The following RAB24 variants were observed in gnomAD, a reference collection of about 807,000 sequenced individuals.
The protein encoded by RAB24 is ras-related protein Rab-24.
Under a neutral mutation model 31.4 loss-of-function variants are expected in RAB24, and 9 were observed. That is an observed-to-expected ratio of 0.29 (90% CI 0.17 to 0.50). The LOEUF (loss-of-function observed/expected upper bound fraction) is 0.50. Among genes scored for constraint, RAB24 ranks in the 20% least tolerant of loss-of-function variants. The pLI is 0.98. For synonymous variants in RAB24, 106 were observed against 94.1 expected (o/e 1.13, Z -0.73); for missense variants, 197 against 265.2 (o/e 0.74, Z 1.79).
rs374490083 is a variant in RAB24, at chr5:177,302,734, AACC to A, written c.265+15_265+17del. The stretch of plus-strand genomic sequence containing the variant: ...CCATCTTTTCTTGTGAGACAGCCCA[AACC>A]CCCCCCCCCCTTACCATAGCAGACG... On this transcript the variant is annotated intron_variant, in intron 3 of 7. Transcript: ENST00000303251. 46 of 1,292,126 alleles carry A rather than the reference AACC, an allele frequency of 3.6e-5. No individual in the cohort carries two copies. In the African/African-American group the frequency reaches 9.7e-4, roughly 27 times the overall value. 80.0% of individuals were successfully genotyped at this position (1,292,126 alleles called of 1,614,324 possible). A position where few individuals can be genotyped will look rare whatever the true frequency, so the allele number is the denominator to read the frequency against.
At position 177,301,736 on chromosome 5, in the gene RAB24, T is replaced by C. The variant is rs774567623; in HGVS notation, c.*7A>G. On this transcript the variant is annotated 3_prime_UTR_variant, in exon 8 of 8. Coordinates refer to ENST00000303251, the MANE Select transcript of RAB24 (RefSeq NM_001031677.4). ...CTTTAATTCCCCCAGGCCAGGTGAG[T>C]GCTGACTCAGTGATGACAACAGCTG... 1.2e-6 allele frequency: 2 copies of C among 1,613,934 alleles called. No homozygotes were observed. The highest frequency in any genetic ancestry group is 2.7e-5 in the African/African-American group (2 of 74,906).
chr5:177,302,375 C>CAA, intron 5 of RAB24, 22 bp downstream of exon 5: 1 of 1,611,614 alleles, frequency 6.2e-7, no homozygotes, highest in Non-Finnish European at 8.5e-7. Flanking sequence ...CCCCACCCCC[C>CAA]AAAGGGCTGA....
chr5:177,302,109 G>A lies in RAB24; in HGVS notation c.484+19C>T. On this transcript the variant is annotated intron_variant, in intron 6 of 7. Transcript: ENST00000303251. ...TGCCCCTGCATGTTCCTGCTGTGAG[G>A]CTCCAGCACAGCACTCACCCACACT... 1 of 1,613,906 alleles carries A rather than the reference G, an allele frequency of 6.2e-7. No homozygotes were observed. Among genetic ancestry groups the A allele is most frequent in the Non-Finnish European group, 8.5e-7 (1 of 1,179,766 alleles).
chr5:177,301,555 T>C lies in RAB24; in HGVS notation c.*188A>G, dbSNP rs1033412843. Reference sequence around the variant, plus strand: ...AGAAGCCTGGGGTCCAAATCAGCCTTATCCCTCCTCATGCCCACAGTCAGC... The same window carrying C: ...AGAAGCCTGGGGTCCAAATCAGCCTCATCCCTCCTCATGCCCACAGTCAGC... On this transcript the variant is annotated 3_prime_UTR_variant, in exon 8 of 8. Coordinates refer to ENST00000303251, the MANE Select transcript of RAB24 (RefSeq NM_001031677.4). 7 of 645,394 alleles carry C rather than the reference T, an allele frequency of 1.1e-5. No homozygotes were observed. The highest frequency in any genetic ancestry group is 2.9e-5 in the Admixed American group (1 of 34,744). The allele number at this position is 645,394 out of a possible 1,614,324, so 40.0% of individuals were successfully genotyped here. A position where few individuals can be genotyped will look rare whatever the true frequency, so the allele number is the denominator to read the frequency against.
rs9313754 is a variant in RAB24 at position 177,303,677 on chromosome 5, C to T, written c.-389G>A. 4 of 365,252 alleles carry T rather than the reference C, an allele frequency of 1.1e-5. No individual in the cohort carries two copies. Among genetic ancestry groups the T allele is most frequent in the South Asian group, 6.1e-5 (1 of 16,412 alleles). 22.6% of individuals were successfully genotyped at this position (365,252 alleles called of 1,614,324 possible). ...GAACCTGGGGTCTCCCGCAACCCGG[C>T]TCCTACCCGCAGCGCCGCGACTCCC... is the stretch of plus-strand genomic sequence containing the variant. On this transcript the variant is annotated 5_prime_UTR_variant, in exon 1 of 8. Coordinates refer to ENST00000303251, the MANE Select transcript of RAB24 (RefSeq NM_001031677.4). The surrounding 1 kb of genome is among the most constrained non-coding windows in gnomAD (Gnocchi z 6.1).
chr5:177,302,551 T>C, intron 4 of RAB24, 26 bp downstream of exon 4: 1 of 1,614,124 alleles, frequency 6.2e-7, no homozygotes, highest in Non-Finnish European at 8.5e-7. Flanking sequence ...CAGCCCCTAG[T>C]GTTCTAGTGA....
rs765737690 is a variant in RAB24, at chr5:177,301,903, T to A, written c.547+22A>T. 1.9e-6 allele frequency: 3 copies of A among 1,613,722 alleles called. No individual in the cohort carries two copies. In the Admixed American group the frequency reaches 5.0e-5, roughly 27 times the overall value. On this transcript the variant is annotated intron_variant, in intron 7 of 7. Transcript: ENST00000303251. ...GCTGTGGGCCTAGAGTAAGTCTCCA[T>A]AAAGGCTGGGGAAGCACACACCTGT...
In RAB24 at chr5:177,302,190, A is replaced by T; in HGVS notation, c.434-12T>A. The stretch of plus-strand genomic sequence containing the variant: ...CTGAGCTTTGATATCTGTAAAGAGA[A>T]GTGACTAAAGCCTCATACCTGAGAA... On this transcript the variant is annotated splice_polypyrimidine_tract_variant and intron_variant, in intron 5 of 7. Transcript: ENST00000303251. 6.2e-7 allele frequency: 1 copy of T among 1,613,988 alleles called. No homozygotes were observed. Among genetic ancestry groups the T allele is most frequent in the Non-Finnish European group, 8.5e-7 (1 of 1,179,824 alleles).
chr5:177,301,805 C>T lies in RAB24; in HGVS notation c.550G>A (p.Asp184Asn). 3.7e-6 allele frequency: 6 copies of T among 1,614,218 alleles called. No individual in the cohort carries two copies. Among genetic ancestry groups the T allele is most frequent in the Non-Finnish European group, 5.1e-6 (6 of 1,180,032 alleles). Residue 184 changes from aspartate (D) to asparagine (N), a missense_variant and splice_region_variant, in exon 8 of 8, where the codon GAC becomes AAC. Transcript: ENST00000303251. ...TTCTGGCCCAGATCCACGCCCTTGTCCTCTGTCAAAAAGAGAGGTGGCAGC... is the reference window on the plus strand; with the variant it reads ...TTCTGGCCCAGATCCACGCCCTTGTTCTCTGTCAAAAAGAGAGGTGGCAGC... ...SVAAFQVMTE[D>N]KGVDLGQKPN... is the part of the protein sequence containing the mutation.
chr5:177,302,831 C>T lies in RAB24; in HGVS notation c.187-1G>A. On this transcript the variant is annotated splice_acceptor_variant, in intron 2 of 7. Transcript: ENST00000303251. LOFTEE classifies it high-confidence loss of function. ...CATAGCGCTCAGAGCCTGCTGTGTCCTAAAGAGTAAGGCCTGAGTCAAACT... is the reference window on the plus strand; with the variant it reads ...CATAGCGCTCAGAGCCTGCTGTGTCTTAAAGAGTAAGGCCTGAGTCAAACT... 6.2e-7 allele frequency: 1 copy of T among 1,610,800 alleles called. No individual in the cohort carries two copies. Among genetic ancestry groups the T allele is most frequent in the Non-Finnish European group, 8.5e-7 (1 of 1,178,724 alleles).
intron 6 of RAB24, 66 bp downstream of exon 6, chr5:177,302,062 T>G: frequency 6.2e-7 from 1 of 1,610,120 alleles, no homozygotes; most frequent in Non-Finnish European, 8.5e-7. Flanking sequence ...CAGCCCTCTG[T>G]GCCCTATTCA....
chr5:177,302,101 G>A (rs561185395), intron 6 of RAB24, 27 bp downstream of exon 6: 2 of 1,613,732 alleles, frequency 1.2e-6, no homozygotes, highest in South Asian at 1.1e-5. Flanking sequence ...GCATGTTCCT[G>A]CTGTGAGGCT....
chr5:177,302,415 C>G lies in RAB24; in HGVS notation c.415G>C (p.Val139Leu). The G allele has an allele frequency of 6.2e-7, 1 of 1,613,530 alleles. No homozygotes were observed. The highest frequency in any genetic ancestry group is 8.5e-7 in the Non-Finnish European group (1 of 1,180,026). Residue 139 changes from valine to leucine, a missense_variant, in exon 5 of 8, where the codon GTC becomes CTC. Coordinates refer to ENST00000303251, the MANE Select transcript of RAB24 (RefSeq NM_001031677.4). ...RRRRRVDFHD[V>L]QDYADNIKAQ... is the part of the protein sequence containing the mutation. Reference sequence around the variant, plus strand: ...CAGCTACTGTCTGCATAGTCCTGGACGTCGTGGAAGTCCACACGTCGACGC... The same window carrying G: ...CAGCTACTGTCTGCATAGTCCTGGAGGTCGTGGAAGTCCACACGTCGACGC...
Position 177,301,700 on chromosome 5 carries a change from AC to A in RAB24, c.*42del. Reference sequence around the variant, plus strand: ...CAGAAAGGAGCTGGGTCCAGCCCTTACGGGGAATTCCTTTAATTCCCCCAGG... The same window carrying A: ...CAGAAAGGAGCTGGGTCCAGCCCTTAGGGGAATTCCTTTAATTCCCCCAGG... On this transcript the variant is annotated 3_prime_UTR_variant, in exon 8 of 8. Coordinates refer to ENST00000303251, the MANE Select transcript of RAB24 (RefSeq NM_001031677.4). 6.2e-7 allele frequency: 1 copy of A among 1,603,432 alleles called. No homozygotes were observed. The highest frequency in any genetic ancestry group is 8.5e-7 in the Non-Finnish European group (1 of 1,170,386).
In RAB24 at chr5:177,302,386, G is replaced by A. The variant is rs1245480600; in HGVS notation, c.433+11C>T. On this transcript the variant is annotated intron_variant, in intron 5 of 7. Transcript: ENST00000303251. ...ACACCCCCACCCCCCAAAGGGCTGA[G>A]GAGCAGCTACTGTCTGCATAGTCCT... is the stretch of plus-strand genomic sequence containing the variant. The A allele has an allele frequency of 1.2e-6, 2 of 1,612,768 alleles. No individual in the cohort carries two copies. The highest frequency in any genetic ancestry group is 1.7e-6 in the Non-Finnish European group (2 of 1,179,762).
In RAB24 at chr5:177,303,524, G is replaced by A. The variant is rs923947943; in HGVS notation, c.-236C>T. On this transcript the variant is annotated 5_prime_UTR_variant, in exon 1 of 8. Transcript: ENST00000303251. This position sits in a 1 kb window ranked among gnomAD's most constrained non-coding sequence, Gnocchi z 6.1. ...GCCGATTATCCTTCGAAGACCCCAA[G>A]CCTCGGGGCGGCCTGGGAGCGCGCG... 12 of 588,472 alleles carry A rather than the reference G, an allele frequency of 2.0e-5. No individual in the cohort carries two copies. Among genetic ancestry groups the A allele is most frequent in the Non-Finnish European group, 3.3e-5 (11 of 329,694 alleles). 36.5% of individuals were successfully genotyped at this position (588,472 alleles called of 1,614,324 possible).
rs754037295 is a variant in RAB24 at position 177,302,494 on chromosome 5, G to T, written c.336C>A (p.Gly112=). ...WVKELRSLEE[G]CQIYLCGTKS... ...TGGTGCCACATAAGTAGATTTGGCA[G>T]CCCTGAGGCAGAAGACAAGGGTCAC... The change falls in exon 5 of 8, where the codon GGC becomes GGA. Residue 112 remains glycine, a splice_region_variant and synonymous_variant. Coordinates refer to ENST00000303251, the MANE Select transcript of RAB24 (RefSeq NM_001031677.4). 4 of 1,613,962 alleles carry T rather than the reference G, an allele frequency of 2.5e-6. No homozygotes were observed. Among genetic ancestry groups the T allele is most frequent in the South Asian group, 2.2e-5 (2 of 91,088 alleles).
Position 177,303,043 on chromosome 5 carries a change from G to A in RAB24, c.152C>T (p.Ser51Leu). 1 of 1,614,098 alleles carries A rather than the reference G, an allele frequency of 6.2e-7. No homozygotes were observed. Among genetic ancestry groups the A allele is most frequent in the South Asian group, 1.1e-5 (1 of 91,088 alleles). ...IGAAFVAKVM[S>L]VGDRTVTLGI... Reference sequence around the variant, plus strand: ...TAATGTCACAGTCCGGTCTCCGACCGACATCACCTTGGCCACGAAGGCGGC... The same window carrying A: ...TAATGTCACAGTCCGGTCTCCGACCAACATCACCTTGGCCACGAAGGCGGC... Residue 51 changes from serine (S) to leucine (L), a missense_variant, in exon 2 of 8, where the codon TCG becomes TTG. By Grantham distance (145) the Ser-to-Leu change is moderately radical. Coordinates refer to ENST00000303251, the MANE Select transcript of RAB24 (RefSeq NM_001031677.4). This position sits in a 1 kb window ranked among gnomAD's most constrained non-coding sequence, Gnocchi z 6.1.
rs1033465485 is a variant in RAB24, at chr5:177,301,304, C to G, written c.*439G>C. The G allele has an allele frequency of 1.0e-5, 2 of 199,336 alleles. No homozygotes were observed. The highest frequency in any genetic ancestry group is 1.6e-4 in the South Asian group (2 of 12,842). 12.3% of individuals were successfully genotyped at this position (199,336 alleles called of 1,614,324 possible). ...TACTACTACAGCCCCAGTATCTCAGCGGTAACCATGGGGAAAAAAGTCTTG... is the reference window on the plus strand; with the variant it reads ...TACTACTACAGCCCCAGTATCTCAGGGGTAACCATGGGGAAAAAAGTCTTG... On this transcript the variant is annotated 3_prime_UTR_variant, in exon 8 of 8. Coordinates refer to ENST00000303251, the MANE Select transcript of RAB24 (RefSeq NM_001031677.4).
Sources: gnomAD v4.1 joint callset for allele counts on GRCh38, gnomAD v4.1.1 for gene constraint, Gnocchi (gnomAD v3.1) non-coding constraint, MANE v1.5 for transcripts, NCBI Gene and HGNC (gene_info 2026-07-23, HGNC 2026-07-21) for gene names.